Variants in FMN2 observed in about 807,000 individuals in gnomAD.
FMN2 encodes formin 2.
FMN2 carries 51 observed loss-of-function variants against 142.3 expected under a neutral mutation model. The observed-to-expected ratio is 0.36, with a 90% confidence interval of 0.29 to 0.45. The LOEUF is 0.45. FMN2 is among the 20% of genes least tolerant of loss of function. FMN2 has a pLI of 1.00. For synonymous variants in FMN2, 882 were observed against 869.8 expected, an observed-to-expected ratio of 1.01 and a Z score of -0.25; for missense variants, 1,936 against 2,122.8, an observed-to-expected ratio of 0.91 and a Z score of 1.73.
intron 1 of FMN2, among the ~76,000 whole-genome samples, chr1:240,095,482 A>C (rs1661165654): frequency 6.6e-6 from 1 of 152,168 alleles, no homozygotes; most frequent in Admixed American, 6.5e-5. Flanking sequence ...TTCTAGATGT[A>C]GGTGATACAT....
At position 240,420,263 on chromosome 1, in the gene FMN2, T is replaced by C. The variant is rs1038714031; in HGVS notation, c.4911-17798T>C. Among the ~76,000 whole-genome samples, 24 of 152,292 alleles carry C rather than the reference T, an allele frequency of 1.6e-4. 1 individual carries two copies. The highest frequency in any genetic ancestry group is 5.8e-4 in the African/African-American group (24 of 41,560). On this transcript the variant is annotated intron_variant, in intron 15 of 17. Transcript: ENST00000319653. ...GCTCAGTTTTTCTGGACTCACACAA[T>C]GCATGCTGGTGTGCCTACTTCTCTC...
chr1:240,333,978 A>C lies in FMN2; in HGVS notation c.4644+32A>C, dbSNP rs752638958. 16 of 1,586,236 alleles carry C rather than the reference A, an allele frequency of 1.0e-5. No individual in the cohort carries two copies. In the Admixed American group the frequency reaches 2.8e-4, roughly 28 times the overall value. ...CAATTTTTACATATAGTCATATTCCATTATTCTTTATTCGTTGGATGATTT... is the reference window on the plus strand; with the variant it reads ...CAATTTTTACATATAGTCATATTCCCTTATTCTTTATTCGTTGGATGATTT... On this transcript the variant is annotated intron_variant, in intron 12 of 17. Coordinates refer to ENST00000319653, the MANE Select transcript of FMN2 (RefSeq NM_020066.5).
intron 15 of FMN2, among the ~76,000 whole-genome samples, chr1:240,414,990 C>T (rs1674528785): frequency 2.6e-5 from 4 of 152,260 alleles, no homozygotes; most frequent in Non-Finnish European, 5.9e-5. Context: ...ATTAGAAATG[C>T]CATCATCTCC....
chr1:240,407,045 T>G (rs1674231677), intron 15 of FMN2, among the ~76,000 whole-genome samples: 1 of 152,186 alleles, frequency 6.6e-6, no homozygotes, highest in South Asian at 2.1e-4. Flanking sequence ...ACTTTAAAAG[T>G]AGCATGAAGA....
At chr1:240,148,279 GAGACAGAGACAGAC>G (rs1403736548) in intron 2 of FMN2, among the ~76,000 whole-genome samples, 1 of 147,324 alleles carries the variant, frequency 6.8e-6, no homozygotes, top group Non-Finnish European at 1.5e-5. Flanking sequence ...GAGATAGACA[GAGACAGAGACAGAC>G]AGAGACAGAG....
intron 3 of FMN2, among the ~76,000 whole-genome samples, chr1:240,187,863 C>T (rs950274676): frequency 6.6e-6 from 1 of 152,152 alleles, no homozygotes; most frequent in African/African-American, 2.4e-5. Flanking sequence ...TATCGTGATA[C>T]AGACTTCAGC....
intron 2 of FMN2, among the ~76,000 whole-genome samples, chr1:240,162,594 A>T (rs1232278556): frequency 1.1e-5 from 1 of 91,358 alleles, no homozygotes; most frequent in Non-Finnish European, 2.2e-5. Flanking sequence ...GTGTAAAGTT[A>T]TTCTAATATC....
chr1:240,291,407 C>T (rs1669790618), intron 7 of FMN2, among the ~76,000 whole-genome samples: 1 of 152,006 alleles, frequency 6.6e-6, no homozygotes, highest in African/African-American at 2.4e-5. Flanking sequence ...GAGTCGCAGA[C>T]AAGGATGGGT....
intron 15 of FMN2, among the ~76,000 whole-genome samples, chr1:240,427,991 A>G (rs1675016986): frequency 6.6e-6 from 1 of 152,180 alleles, no homozygotes; most frequent in Admixed American, 6.5e-5. Flanking sequence ...CTTTAAAGAA[A>G]AACTTTTCCT....
At chr1:240,389,091 G>A (rs557763065) in intron 14 of FMN2, among the ~76,000 whole-genome samples, 2 of 152,126 alleles carry the variant, frequency 1.3e-5, no homozygotes, top group African/African-American at 4.8e-5. Flanking sequence ...ACTCTAAAGA[G>A]TTGGGAAGTT....
chr1:240,278,006 G>C (rs1176121424), intron 7 of FMN2, among the ~76,000 whole-genome samples: 3 of 152,116 alleles, frequency 2.0e-5, no homozygotes, highest in Non-Finnish European at 4.4e-5. Context: ...GAAATGTTTA[G>C]AATAGTTACC....
chr1:240,142,808 G>C, intron 2 of FMN2: 1 of 1,586,688 alleles, frequency 6.3e-7, no homozygotes, highest in South Asian at 1.1e-5. Flanking sequence ...GGAACCCTGT[G>C]ATGGTCTTAG....
At chr1:240,463,285 T>C (rs1425567556) in intron 16 of FMN2, among the ~76,000 whole-genome samples, 1 of 152,148 alleles carries the variant, frequency 6.6e-6, no homozygotes, top group Admixed American at 6.5e-5. Context: ...ACGTCATTAC[T>C]GAAGAATGAC....
intron 8 of FMN2, among the ~76,000 whole-genome samples, chr1:240,324,257 G>A (rs1318260113): frequency 2.0e-5 from 3 of 152,134 alleles, no homozygotes; most frequent in African/African-American, 7.2e-5. Flanking sequence ...CACTATTCTG[G>A]TGAAGTTACC....
intron 8 of FMN2, 78 bp from the exon 9 acceptor site, chr1:240,328,998 T>C (rs184530030): frequency 1.6e-6 from 2 of 1,279,294 alleles, no homozygotes; most frequent in East Asian, 4.9e-5. Flanking sequence ...TCAGCAAATT[T>C]ATCAAGATAA....
intron 3 of FMN2, among the ~76,000 whole-genome samples, chr1:240,184,039 G>T (rs1157411861): frequency 6.6e-6 from 1 of 151,898 alleles, no homozygotes; most frequent in Non-Finnish European, 1.5e-5. Flanking sequence ...TAGCTGAGAG[G>T]CATATCCCGC....
intron 6 of FMN2, among the ~76,000 whole-genome samples, chr1:240,255,779 A>G (rs1003458388): frequency 4.6e-5 from 7 of 152,144 alleles, no homozygotes; most frequent in African/African-American, 1.4e-4. Context: ...TTATGGGGAC[A>G]ATTTAAATAG....
At chr1:240,162,735 T>C (rs889765123) in intron 2 of FMN2, among the ~76,000 whole-genome samples, 2 of 152,154 alleles carry the variant, frequency 1.3e-5, no homozygotes, top group African/African-American at 4.8e-5. Context: ...AAGACTTCTT[T>C]GGAGGCTATT....
rs572311829 is a variant in FMN2 at position 240,207,123 on chromosome 1, C to A, written c.2311C>A (p.Pro771Thr). Reference protein sequence around the residue: ...DGLPGRPPCPPGAESGPQTKF... With the variant: ...DGLPGRPPCPTGAESGPQTKF... ...GCTGCCAGGGCGTCCTCCATGCCCCCCTGGGGCTGAAAGTGGACCTCAGAC... is the reference window on the plus strand; with the variant it reads ...GCTGCCAGGGCGTCCTCCATGCCCCACTGGGGCTGAAAGTGGACCTCAGAC... The change falls in exon 5 of 18, where the codon CCT becomes ACT. Residue 771 changes from proline (P) to threonine (T), a missense_variant. Around this residue, in one of 8 missense-constraint regions of FMN2, gnomAD observed 478 missense variants for 462.8 expected, o/e 1.03. Transcript: ENST00000319653. 1.1e-5 allele frequency: 18 copies of A among 1,613,980 alleles called. No individual in the cohort carries two copies. The highest frequency in any genetic ancestry group is 1.3e-5 in the Non-Finnish European group (15 of 1,179,986).
Sources: gnomAD v4.1 joint callset for allele counts (sites outside exome capture counted in the v4.1 genomes callset) on GRCh38, gnomAD v4.1.1 for gene constraint, gnomAD v4.1.1 regional missense constraint, MANE v1.5 for transcripts, NCBI Gene and HGNC (gene_info 2026-07-23, HGNC 2026-07-21) for gene names.